FXR1: variants seen among roughly 807,000 people sequenced by gnomAD.
FXR1 encodes RNA-binding protein FXR1.
A neutral mutation model predicts 84.0 loss-of-function variants in FXR1; 15 were observed. The ratio of observed to expected loss-of-function variants is 0.18; its 90% CI spans 0.12 to 0.27. The LOEUF is 0.27. Ranked by LOEUF, FXR1 falls within the 10% of genes least tolerant of loss-of-function variation. The pLI is 1.00. For missense variants in FXR1, 480 were observed against 774.4 expected, an observed-to-expected ratio of 0.62 and a Z score of 4.51; for synonymous variants, 245 against 250.7, an observed-to-expected ratio of 0.98 and a Z score of 0.21.
At chr3:180,964,673 T>A (rs867915310) in intron 13 of FXR1, among the ~76,000 whole-genome samples, 1 of 136,356 alleles carries the variant, frequency 7.3e-6, no homozygotes, top group African/African-American at 2.9e-5. Flanking sequence ...TGTAGTTGAT[T>A]TATATATATA....
intron 9 of FXR1, 40 bp downstream of exon 9, chr3:180,953,880 T>C (rs1191916709): frequency 9.9e-7 from 1 of 1,008,298 alleles, no homozygotes; most frequent in African/African-American, 1.6e-5. Context: ...TTAATAAACA[T>C]TATTTAGTTA....
chr3:180,931,743 T>G (rs943484958), intron 1 of FXR1, among the ~76,000 whole-genome samples: 1 of 146,174 alleles, frequency 6.8e-6, no homozygotes, highest in East Asian at 2.0e-4. Flanking sequence ...TTGTGGGTTT[T>G]TTTTTTTTTT....
chr3:180,919,089 A>C (rs1200807739), intron 1 of FXR1, among the ~76,000 whole-genome samples: 2 of 152,178 alleles, frequency 1.3e-5, no homozygotes, highest in African/African-American at 2.4e-5. Context: ...ATAAATTGGG[A>C]GGTTCCCAGA....
rs1199870713 is a variant in FXR1 at position 180,970,419 on chromosome 3, TA to T, written c.1603+62del. On this transcript the variant is annotated intron_variant, in intron 15 of 16. Coordinates refer to ENST00000357559, the MANE Select transcript of FXR1 (RefSeq NM_005087.4). ...ATATATATATATATATATATATATA[TA>T]TAATTGTAAACTATTGTTAGTATAT... 6.8e-3 allele frequency: 1,774 copies of T among 261,242 alleles called. 20 individuals are homozygous for T. The highest frequency in any genetic ancestry group is 0.01 in the Non-Finnish European group (1,470 of 143,542). 16.2% of individuals were successfully genotyped at this position (261,242 alleles called of 1,614,324 possible).
intron 3 of FXR1, among the ~76,000 whole-genome samples, chr3:180,940,250 T>C (rs1184607385): frequency 6.6e-6 from 1 of 152,188 alleles, no homozygotes; most frequent in Non-Finnish European, 1.5e-5. Flanking sequence ...TAACACTTAA[T>C]AGTAAATATT....
chr3:180,970,383 AAT>A (rs56345724), intron 15 of FXR1, 25 bp downstream of exon 15: 23,342 of 367,298 alleles, frequency 0.064, 1,416 homozygotes, highest in African/African-American at 0.15. Context: ...AGGGAAGAGA[AAT>A]ATATATATAT....
At chr3:180,924,083 C>T (rs993426776) in intron 1 of FXR1, among the ~76,000 whole-genome samples, 3 of 152,094 alleles carry the variant, frequency 2.0e-5, no homozygotes, top group Admixed American at 6.6e-5. Flanking sequence ...CTCAGGCTCC[C>T]AGGTAGCTGG....
intron 7 of FXR1, among the ~76,000 whole-genome samples, chr3:180,951,061 T>TA (rs971599705): frequency 7.3e-4 from 106 of 145,556 alleles, no homozygotes; most frequent in Non-Finnish European, 1.3e-3. Flanking sequence ...AAAAATAAAT[T>TA]AAAAAAAAAA....
chr3:180,931,946 G>A (rs1358548264), intron 1 of FXR1, among the ~76,000 whole-genome samples: 4 of 151,278 alleles, frequency 2.6e-5, no homozygotes, highest in Non-Finnish European at 4.4e-5. Flanking sequence ...CCACTGTCTT[G>A]CCTAGGATGG....
chr3:180,975,530 A>T, intron 16 of FXR1, 126 bp downstream of exon 16: 1 of 476,436 alleles, frequency 2.1e-6, no homozygotes. Context: ...TTTTAGTTAA[A>T]GACTCTTGAA....
chr3:180,958,980 G>A lies in FXR1; in HGVS notation c.990+1052G>A, dbSNP rs532097108. Among the ~76,000 whole-genome samples, 3 of 151,862 alleles carry A rather than the reference G, an allele frequency of 2.0e-5. No individual in the cohort carries two copies. In the South Asian group the frequency reaches 6.2e-4, roughly 32 times the overall value. On this transcript the variant is annotated intron_variant, in intron 10 of 16. Coordinates refer to ENST00000357559, the MANE Select transcript of FXR1 (RefSeq NM_005087.4). Reference sequence around the variant, plus strand: ...GCGCCATCACGCCCAGCTAATTTTTGCATTTTTAGTAGAGATGGGGTTTCA... The same window carrying A: ...GCGCCATCACGCCCAGCTAATTTTTACATTTTTAGTAGAGATGGGGTTTCA...
chr3:180,921,054 A>AT (rs978540659), intron 1 of FXR1, among the ~76,000 whole-genome samples: 18 of 151,448 alleles, frequency 1.2e-4, no homozygotes, highest in Admixed American at 3.3e-4. Context: ...GCCTTGAATA[A>AT]TTTTTTTTTC....
intron 3 of FXR1, 133 bp downstream of exon 3, chr3:180,935,364 CTG>C (rs1302205521): frequency 1.7e-6 from 1 of 583,746 alleles, no homozygotes; most frequent in Non-Finnish European, 3.1e-6. Flanking sequence ...GTGGTAATAG[CTG>C]TGTAATACAG....
At chr3:180,971,064 T>C (rs539562395) in intron 15 of FXR1, 2 of 1,164,002 alleles carry the variant, frequency 1.7e-6, no homozygotes, top group East Asian at 6.2e-5. Context: ...TGGTAAACTT[T>C]GCAATTACAG....
chr3:180,962,897 A>G lies in FXR1; in HGVS notation c.1092A>G (p.Leu364=). The stretch of plus-strand genomic sequence containing the variant: ...TTTGATTGTAGGAAGTAGAACAGCT[A>G]AGAATGGAACGCCTACAGATTGATG... ...HIAYLKEVEQ[L]RMERLQIDEQ... The change falls in exon 12 of 17, where the codon CTA becomes CTG. Residue 364 remains leucine (L), a synonymous_variant. Coordinates refer to ENST00000357559, the MANE Select transcript of FXR1 (RefSeq NM_005087.4). The G allele has an allele frequency of 6.2e-7, 1 of 1,610,638 alleles. No homozygotes were observed. Among genetic ancestry groups the G allele is most frequent in the Non-Finnish European group, 8.5e-7 (1 of 1,176,914 alleles).
intron 10 of FXR1, among the ~76,000 whole-genome samples, chr3:180,960,182 A>G (rs1414662859): frequency 2.0e-5 from 3 of 152,176 alleles, no homozygotes; most frequent in Non-Finnish European, 4.4e-5. Context: ...AAGTTCAGCA[A>G]AGTAAACCAA....
rs887059945 is a variant in FXR1 at position 180,981,474 on chromosome 3, C to T, written c.*5182C>T. The T allele has an allele frequency of 2.0e-5, 3 of 152,026 alleles. No homozygotes were observed. Among genetic ancestry groups the T allele is most frequent in the Non-Finnish European group, 2.9e-5 (2 of 67,942 alleles). 9.4% of individuals were successfully genotyped at this position (152,026 alleles called of 1,614,324 possible). A position where few individuals can be genotyped will look rare whatever the true frequency, so the allele number is the denominator to read the frequency against. On this transcript the variant is annotated 3_prime_UTR_variant, in exon 17 of 17. Coordinates refer to ENST00000357559, the MANE Select transcript of FXR1 (RefSeq NM_005087.4). ...TAACTTCCAGGACAACCCATTATAG[C>T]TCACTTCTTACCAACAAAGCAGTTT...
chr3:180,914,761 A>T, intron 1 of FXR1: 1 of 935,976 alleles, frequency 1.1e-6, no homozygotes, highest in Non-Finnish European at 1.3e-6. Flanking sequence ...CTTTGACTCC[A>T]TTACTCATTT....
chr3:180,924,626 A>G (rs1560162836), intron 1 of FXR1, among the ~76,000 whole-genome samples: 1 of 152,140 alleles, frequency 6.6e-6, no homozygotes, highest in Non-Finnish European at 1.5e-5. Context: ...TTTTCCATAT[A>G]TAGATTTGGG....
Sources: gnomAD v4.1 joint callset for allele counts (sites outside exome capture counted in the v4.1 genomes callset) on GRCh38, gnomAD v4.1.1 for gene constraint, MANE v1.5 for transcripts, NCBI Gene and HGNC (gene_info 2026-07-23, HGNC 2026-07-21) for gene names.